The following KCNG2 variants were observed in gnomAD, a reference collection of about 807,000 sequenced individuals.
The protein encoded by KCNG2 is voltage-gated potassium channel regulatory subunit KCNG2.
A neutral mutation model predicts 12.3 loss-of-function variants in KCNG2; 7 were observed. That is an observed-to-expected ratio of 0.57 (90% CI 0.32 to 1.07). KCNG2 has a LOEUF of 1.07. KCNG2 is among the 50% of genes least tolerant of loss of function. The pLI is 0.04. For missense variants in KCNG2, 703 were observed against 726.0 expected, an observed-to-expected ratio of 0.97 and a Z score of 0.36; for synonymous variants, 414 against 351.4, an observed-to-expected ratio of 1.18 and a Z score of -1.99.
intron 3 of KCNG2, among the ~76,000 whole-genome samples, chr18:79,888,110 A>G (rs1172973034): frequency 3.9e-5 from 6 of 152,176 alleles, no homozygotes; most frequent in Non-Finnish European, 7.4e-5. Flanking sequence ...CACACCCCAG[A>G]CCTAGGCCTC....
chr18:79,810,002 C>G (rs2087482627), intron 1 of KCNG2, among the ~76,000 whole-genome samples: 1 of 152,228 alleles, frequency 6.6e-6, no homozygotes, highest in Admixed American at 6.5e-5. Context: ...TCAGCGCCGT[C>G]CACAGGGCCA....
At chr18:79,809,355 C>T (rs1200087658) in intron 1 of KCNG2, among the ~76,000 whole-genome samples, 1 of 130,960 alleles carries the variant, frequency 7.6e-6, no homozygotes, top group African/African-American at 2.9e-5. Context: ...ACACTGACCA[C>T]ACTCCACGTT....
At chr18:79,888,446 GCGTCCTCCT>G (rs1980622257) in intron 3 of KCNG2, among the ~76,000 whole-genome samples, 1 of 132,594 alleles carries the variant, frequency 7.5e-6, no homozygotes, top group Non-Finnish European at 1.7e-5. Flanking sequence ...CGGGACGGCG[GCGTCCTCCT>G]CATGAGGCCG....
intron 1 of KCNG2, among the ~76,000 whole-genome samples, chr18:79,843,829 C>A (rs1439742992): frequency 6.6e-6 from 1 of 152,142 alleles, no homozygotes; most frequent in African/African-American, 2.4e-5. Context: ...AAAGGAACTA[C>A]AAAACAGTTG....
At chr18:79,858,323 T>A (rs563963540) in intron 2 of KCNG2, among the ~76,000 whole-genome samples, 81 of 152,346 alleles carry the variant, frequency 5.3e-4, no homozygotes, top group African/African-American at 1.9e-3. Context: ...TATAAACGGA[T>A]TCCCAGTATA....
At chr18:79,860,882 C>T (rs529989981) in intron 2 of KCNG2, among the ~76,000 whole-genome samples, 1 of 152,276 alleles carries the variant, frequency 6.6e-6, no homozygotes, top group African/African-American at 2.4e-5. Flanking sequence ...GTATTTCAGT[C>T]TTGTTCCTGG....
chr18:79,819,653 T>C (rs2087556651), intron 1 of KCNG2, among the ~76,000 whole-genome samples: 1 of 152,186 alleles, frequency 6.6e-6, no homozygotes, highest in Non-Finnish European at 1.5e-5. Flanking sequence ...CAGGCTGCAA[T>C]AGAGGCCGTC....
chr18:79,816,813 CG>C (rs1051223741), intron 1 of KCNG2, among the ~76,000 whole-genome samples: 6 of 152,280 alleles, frequency 3.9e-5, no homozygotes, highest in Admixed American at 3.3e-4. Flanking sequence ...AGAAAGAAAC[CG>C]GGGACCAGAC....
At chr18:79,877,496 G>GA (rs1288444024) in intron 3 of KCNG2, among the ~76,000 whole-genome samples, 1 of 152,160 alleles carries the variant, frequency 6.6e-6, no homozygotes, top group African/African-American at 2.4e-5. Flanking sequence ...GAGCTGCGGG[G>GA]TCCCTGCATG....
intron 1 of KCNG2, among the ~76,000 whole-genome samples, chr18:79,835,465 A>G (rs1978318655): frequency 6.6e-6 from 1 of 152,244 alleles, no homozygotes; most frequent in Non-Finnish European, 1.5e-5. Flanking sequence ...AAATAGTCTC[A>G]GCAAAGGAAT....
At chr18:79,799,398 G>A (rs982944979) in intron 1 of KCNG2, among the ~76,000 whole-genome samples, 1 of 152,136 alleles carries the variant, frequency 6.6e-6, no homozygotes, top group Non-Finnish European at 1.5e-5. Flanking sequence ...GGCCTCTGAA[G>A]GTTCTTCCTT....
intron 1 of KCNG2, among the ~76,000 whole-genome samples, chr18:79,832,772 G>T (rs1432920218): frequency 1.3e-5 from 2 of 152,248 alleles, no homozygotes; most frequent in African/African-American, 4.8e-5. Flanking sequence ...TTTGCACAGT[G>T]CTAAGCAGCC....
At chr18:79,890,924 T>C (rs560273159) in intron 3 of KCNG2, among the ~76,000 whole-genome samples, 2 of 147,376 alleles carry the variant, frequency 1.4e-5, no homozygotes, top group African/African-American at 4.9e-5. Context: ...CTTTCACTTC[T>C]GATTCTAGTC....
chr18:79,861,761 A>G (rs938005225), intron 2 of KCNG2, among the ~76,000 whole-genome samples: 3 of 152,164 alleles, frequency 2.0e-5, no homozygotes, highest in African/African-American at 4.8e-5. Context: ...GACTCTCACT[A>G]TGCAAAAGCT....
intron 1 of KCNG2, among the ~76,000 whole-genome samples, chr18:79,834,214 AGACCC>A (rs1978311275): frequency 6.6e-6 from 1 of 152,254 alleles, no homozygotes; most frequent in South Asian, 2.1e-4. Context: ...ACCCTGATAA[AGACCC>A]GTTTGCCTCG....
intron 1 of KCNG2, among the ~76,000 whole-genome samples, chr18:79,848,747 A>C (rs1207988782): frequency 6.6e-6 from 1 of 152,048 alleles, no homozygotes; most frequent in Non-Finnish European, 1.5e-5. Flanking sequence ...TTCGCTGAAG[A>C]AGCATCCTGT....
chr18:79,881,117 G>A (rs946212139), intron 3 of KCNG2, among the ~76,000 whole-genome samples: 2 of 152,334 alleles, frequency 1.3e-5, no homozygotes, highest in Admixed American at 6.5e-5. Flanking sequence ...GTGAAGCAAG[G>A]AAAGTAGACG....
In KCNG2 at chr18:79,828,954, TGC is replaced by T. The variant is rs1245273122; in HGVS notation, c.-114-27424_-114-27423del. 4.5e-5 allele frequency among the ~76,000 whole-genome samples: 6 copies of T among 131,994 alleles called. 1 individual carries two copies. The highest frequency in any genetic ancestry group is 1.8e-4 in the African/African-American group (6 of 32,846). 86.6% of individuals were successfully genotyped at this position (131,994 alleles called of 152,430 possible). On this transcript the variant is annotated intron_variant, in intron 1 of 3. Transcript: ENST00000316249. ...TGCGTGTGTGTAACGTGTCTGTGTG[TGC>T]ATGTGTCTGTATGTGGGTGTCTATG...
intron 1 of KCNG2, among the ~76,000 whole-genome samples, chr18:79,814,848 G>A (rs1330714486): frequency 1.3e-5 from 2 of 151,932 alleles, no homozygotes; most frequent in African/African-American, 2.4e-5. Context: ...AGTTACCTGT[G>A]GGGAGCGGAT....
Sources: allele counts gnomAD v4.1 joint callset (sites outside exome capture counted in the v4.1 genomes callset), GRCh38; gene constraint gnomAD v4.1.1; transcripts MANE v1.5; gene names NCBI Gene and HGNC (gene_info 2026-07-23, HGNC 2026-07-21).